Variants in STK32B observed in about 807,000 individuals in gnomAD.
STK32B encodes the protein serine/threonine-protein kinase 32B.
In STK32B, 43 loss-of-function variants were observed where a neutral mutation model predicts 52.6. The observed-to-expected ratio is 0.82, with a 90% CI of 0.64 to 1.05. STK32B has a LOEUF of 1.05. Ranked by LOEUF, STK32B falls within the 50% of genes least tolerant of loss-of-function variation. The pLI is 0.00. For synonymous variants in STK32B, 238 were observed against 204.3 expected, an observed-to-expected ratio of 1.17 and a Z score of -1.41; for missense variants, 621 against 534.6, an observed-to-expected ratio of 1.16 and a Z score of -1.59.
At position 5,456,938 on chromosome 4, in the gene STK32B, T is replaced by G. The variant is rs1250219563; in HGVS notation, c.783+15T>G. On this transcript the variant is annotated intron_variant, in intron 8 of 11. Coordinates refer to ENST00000282908, the MANE Select transcript of STK32B (RefSeq NM_018401.3). ...TGCTGAGGAAGGTAAGGGGGCAGCTTCCAGCCTGCCCCGCCAGGGAGCTAC... is the reference window on the plus strand; with the variant it reads ...TGCTGAGGAAGGTAAGGGGGCAGCTGCCAGCCTGCCCCGCCAGGGAGCTAC... 1.3e-6 allele frequency: 2 copies of G among 1,506,044 alleles called. No individual in the cohort carries two copies. The highest frequency in any genetic ancestry group is 2.8e-5 in the African/African-American group (2 of 72,076). The allele number at this position is 1,506,044 out of a possible 1,614,324, so 93.3% of individuals were successfully genotyped here.
intron 2 of STK32B, among the ~76,000 whole-genome samples, chr4:5,142,919 G>T (rs544727052): frequency 6.6e-6 from 1 of 152,166 alleles, no homozygotes; most frequent in African/African-American, 2.4e-5. Flanking sequence ...GGAGAAAAAG[G>T]CTGACTTCCC....
At chr4:5,407,034 A>G (rs1737728346) in intron 5 of STK32B, among the ~76,000 whole-genome samples, 1 of 152,124 alleles carries the variant, frequency 6.6e-6, no homozygotes, top group Non-Finnish European at 1.5e-5. Flanking sequence ...TTTCCAGGTC[A>G]CTTTTTTACT....
At chr4:5,030,776 A>G in the STK32B span, among the ~76,000 whole-genome samples, 1 of 152,210 alleles carries the variant, frequency 6.6e-6, no homozygotes, top group African/African-American at 2.4e-5. Context: ...CGAGGGACTC[A>G]ATACATATTC....
chr4:5,159,654 TATATATATGA>T (rs1208610878), intron 2 of STK32B, among the ~76,000 whole-genome samples: 1 of 83,292 alleles, frequency 1.2e-5, no homozygotes, highest in Admixed American at 1.4e-4. Context: ...TGTATATGAA[TATATATATGA>T]ATGTATATGA....
intron 1 of STK32B, among the ~76,000 whole-genome samples, chr4:5,114,542 A>T (rs1160614995): frequency 1.3e-5 from 2 of 152,132 alleles, no homozygotes; most frequent in Non-Finnish European, 2.9e-5. Flanking sequence ...CCCAGTAAAT[A>T]TGCATTAGAT....
chr4:5,092,789 G>A (rs1713165770), intron 1 of STK32B, among the ~76,000 whole-genome samples: 1 of 151,960 alleles, frequency 6.6e-6, no homozygotes, highest in Admixed American at 6.6e-5. Context: ...CATGAGAAAC[G>A]GCCCTCATGA....
At chr4:5,496,986 A>C (rs1237965683) in intron 11 of STK32B, among the ~76,000 whole-genome samples, 1 of 152,198 alleles carries the variant, frequency 6.6e-6, no homozygotes, top group Non-Finnish European at 1.5e-5. Context: ...AGAGCTCTGG[A>C]GAGAAAAGAG....
intron 9 of STK32B, 24 bp from the exon 10 acceptor site, chr4:5,466,679 G>C (rs982470062): frequency 6.2e-7 from 1 of 1,600,098 alleles, no homozygotes; most frequent in Admixed American, 1.7e-5. Context: ...GACAGACCAT[G>C]TTTTCTTTTC....
Position 5,384,653 on chromosome 4 carries a change from A to C in STK32B, c.435-13554A>C, listed in dbSNP as rs527618569. Reference sequence around the variant, plus strand: ...TTTGGGTTCCGCCAGGTGAACAGTCAAGGGAGTCGAGGATGTGGGAAGGCG... The same window carrying C: ...TTTGGGTTCCGCCAGGTGAACAGTCCAGGGAGTCGAGGATGTGGGAAGGCG... On this transcript the variant is annotated intron_variant, in intron 4 of 11. Coordinates refer to ENST00000282908, the MANE Select transcript of STK32B (RefSeq NM_018401.3). Among the ~76,000 whole-genome samples, 8 of 152,290 alleles carry C rather than the reference A, an allele frequency of 5.3e-5. No homozygotes were observed. In the South Asian group the frequency reaches 6.2e-4, roughly 12 times the overall value.
intron 4 of STK32B, among the ~76,000 whole-genome samples, chr4:5,350,424 C>A (rs1396865433): frequency 6.6e-6 from 1 of 151,982 alleles, no homozygotes; most frequent in Non-Finnish European, 1.5e-5. Flanking sequence ...GAACCCTACC[C>A]CTGGGAGTGA....
chr4:5,157,850 G>A (rs1012307887), intron 2 of STK32B, among the ~76,000 whole-genome samples: 8 of 152,188 alleles, frequency 5.3e-5, no homozygotes, highest in Admixed American at 4.6e-4. Flanking sequence ...TGAGCCTCAC[G>A]TTAGCTGCTA....
rs146845174 is a variant in STK32B, at chr4:5,414,112, A to T, written c.473-2733A>T. 4.3e-3 allele frequency among the ~76,000 whole-genome samples: 658 copies of T among 152,272 alleles called. 6 individuals are homozygous for T. Among genetic ancestry groups the T allele is most frequent in the African/African-American group, 0.015 (640 of 41,556 alleles). On this transcript the variant is annotated intron_variant, in intron 5 of 11. Coordinates refer to ENST00000282908, the MANE Select transcript of STK32B (RefSeq NM_018401.3). The stretch of plus-strand genomic sequence containing the variant: ...ATAATAGGGAATTGCTGAATAAATG[A>T]TACATTGTATGATACAGACATCCTA...
intron 3 of STK32B, among the ~76,000 whole-genome samples, chr4:5,169,205 A>C (rs1364370721): frequency 2.6e-5 from 4 of 152,132 alleles, no homozygotes; most frequent in African/African-American, 7.2e-5. Context: ...CATCTTTATC[A>C]CAGTGAACCC....
chr4:5,281,417 A>G (rs1728190069), intron 3 of STK32B, among the ~76,000 whole-genome samples: 1 of 152,060 alleles, frequency 6.6e-6, no homozygotes, highest in Non-Finnish European at 1.5e-5. Context: ...AAGGGAGGGG[A>G]ACATCACACA....
At chr4:5,305,644 G>T (rs780843474) in intron 3 of STK32B, among the ~76,000 whole-genome samples, 2 of 152,006 alleles carry the variant, frequency 1.3e-5, no homozygotes, top group African/African-American at 4.8e-5. Flanking sequence ...TCGTTTCAAA[G>T]AACCAGCTTT....
At chr4:5,316,304 A>ATATATAT (rs1471615221) in intron 3 of STK32B, among the ~76,000 whole-genome samples, 1 of 58,234 alleles carries the variant, frequency 1.7e-5, no homozygotes, top group Non-Finnish European at 2.5e-5. Context: ...TATATATAAT[A>ATATATAT]TATATATTGT....
chr4:5,144,412 G>A (rs1716745395), intron 2 of STK32B, among the ~76,000 whole-genome samples: 1 of 152,188 alleles, frequency 6.6e-6, no homozygotes, highest in Non-Finnish European at 1.5e-5. Flanking sequence ...ACGCAGCAGG[G>A]AGTGAGGAAG....
intron 3 of STK32B, among the ~76,000 whole-genome samples, chr4:5,256,772 G>T (rs137885972): frequency 2.5e-4 from 38 of 152,292 alleles, no homozygotes; most frequent in African/African-American, 8.9e-4. Context: ...GATGGACTAG[G>T]CTTCTTGGAT....
the STK32B span, among the ~76,000 whole-genome samples, chr4:5,029,283 G>T: frequency 1.3e-5 from 2 of 152,192 alleles, no homozygotes; most frequent in African/African-American, 4.8e-5. Flanking sequence ...TCTTGCAGTT[G>T]TAATAAAAGT....
Sources: allele counts gnomAD v4.1 joint callset (sites outside exome capture counted in the v4.1 genomes callset), GRCh38; gene constraint gnomAD v4.1.1; transcripts MANE v1.5; gene names NCBI Gene and HGNC (gene_info 2026-07-23, HGNC 2026-07-21).